PCDH10: variants seen among roughly 807,000 people sequenced by gnomAD.
The protein encoded by PCDH10 is protocadherin 10.
A neutral mutation model predicts 74.4 loss-of-function variants in PCDH10; 15 were observed. The observed-to-expected ratio is 0.20, with a 90% confidence interval of 0.13 to 0.31. The LOEUF is 0.31. Among genes scored for constraint, PCDH10 ranks in the 10% least tolerant of loss-of-function variants. The pLI is 1.00. For missense variants in PCDH10, 1,260 were observed against 1,390.2 expected (o/e 0.91, Z 1.49); for synonymous variants, 619 against 589.8 (o/e 1.05, Z -0.72).
At chr4:133,186,407 A>T (rs1727542406) in intron 4 of PCDH10, among the ~76,000 whole-genome samples, 1 of 152,150 alleles carries the variant, frequency 6.6e-6, no homozygotes, top group South Asian at 2.1e-4. Flanking sequence ...AATTCCCTAC[A>T]TGCTGATGCA....
downstream of PCDH10, among the ~76,000 whole-genome samples, chr4:133,198,541 C>T (rs1455574718): frequency 6.6e-6 from 1 of 152,152 alleles, no homozygotes; most frequent in African/African-American, 2.4e-5. Flanking sequence ...TACGTTGCTT[C>T]CATTGCCTCT....
intron 3 of PCDH10, among the ~76,000 whole-genome samples, chr4:133,159,522 T>C (rs1438371650): frequency 6.6e-6 from 1 of 151,998 alleles, no homozygotes; most frequent in Non-Finnish European, 1.5e-5. Flanking sequence ...ATAATAGACA[T>C]TGGAGACTCT....
At chr4:133,181,061 C>G (rs1727404719) in intron 4 of PCDH10, among the ~76,000 whole-genome samples, 1 of 151,540 alleles carries the variant, frequency 6.6e-6, no homozygotes, top group African/African-American at 2.4e-5. Context: ...AGTATGTACC[C>G]AGGCCTTCAT....
intron 4 of PCDH10, among the ~76,000 whole-genome samples, chr4:133,174,469 C>A (rs1157084586): frequency 1.3e-5 from 2 of 151,792 alleles, no homozygotes; most frequent in African/African-American, 2.4e-5. Context: ...TAACTACCTA[C>A]TGAGTGTCCA....
At chr4:133,152,924 C>T (rs369547380) in intron 1 of PCDH10, 153 bp downstream of exon 1, 1 of 1,457,414 alleles carries the variant, frequency 6.9e-7, no homozygotes, top group South Asian at 1.5e-5. Context: ...GTCACCTTCT[C>T]CCACTCCTTC....
intron 4 of PCDH10, among the ~76,000 whole-genome samples, chr4:133,181,272 A>G (rs1035565769): frequency 1.3e-5 from 2 of 152,094 alleles, no homozygotes; most frequent in Non-Finnish European, 2.9e-5. Flanking sequence ...AAAAATTTAT[A>G]TTCTAGATAA....
chr4:133,189,148 A>C (rs1013597341), intron 4 of PCDH10, among the ~76,000 whole-genome samples: 1 of 152,118 alleles, frequency 6.6e-6, no homozygotes, highest in African/African-American at 2.4e-5. Flanking sequence ...ACATGTTCTT[A>C]TCTTTGTTTA....
intron 4 of PCDH10, among the ~76,000 whole-genome samples, chr4:133,187,300 A>G (rs1169906604): frequency 6.6e-6 from 1 of 152,096 alleles, no homozygotes; most frequent in Non-Finnish European, 1.5e-5. Context: ...GTTAGGCATT[A>G]TATTAGATGT....
At chr4:133,186,566 G>A (rs1014398460) in intron 4 of PCDH10, among the ~76,000 whole-genome samples, 11 of 152,104 alleles carry the variant, frequency 7.2e-5, no homozygotes, top group African/African-American at 2.7e-4. Context: ...AAATGCATCA[G>A]CAAATATATA....
At chr4:133,164,940 TATATATATTC>T (rs990229592) in intron 4 of PCDH10, among the ~76,000 whole-genome samples, 2 of 148,444 alleles carry the variant, frequency 1.3e-5, no homozygotes, top group African/African-American at 4.9e-5. Flanking sequence ...GCTCATTTTA[TATATATATTC>T]ATATATATAC....
intron 2 of PCDH10, 107 bp downstream of exon 2, chr4:133,154,472 C>A: frequency 1.6e-6 from 1 of 621,940 alleles, no homozygotes; most frequent in Non-Finnish European, 2.8e-6. Context: ...AAAATATTTT[C>A]AATTAAGGCA....
rs202150629 is a variant in PCDH10, at chr4:133,152,722, C to G, written c.2582C>G (p.Thr861Ser). Residue 861 changes from threonine to serine, a missense_variant, in exon 1 of 5, where the codon ACC becomes AGC. Physicochemically the swap from Thr to Ser is moderately conservative, Grantham distance 58. This residue lies in a region of PCDH10 where 587 missense variants were observed against 616.9 expected (regional missense o/e 0.95). Transcript: ENST00000264360. ...NPCGAIVTGY[T>S]DQQPDIISNG... The stretch of plus-strand genomic sequence containing the variant: ...TGCGGGGCCATCGTCACCGGTTACA[C>G]CGACCAGCAGCCTGATATCATCTCC... 54 of 1,614,230 alleles carry G rather than the reference C, an allele frequency of 3.3e-5. No homozygotes were observed. Among genetic ancestry groups the G allele is most frequent in the Admixed American group, 1.7e-4 (10 of 60,032 alleles).
At chr4:133,199,791 T>TATC (rs1043112264) in intron 2 of PCDH10, among the ~76,000 whole-genome samples, 3 of 145,808 alleles carry the variant, frequency 2.1e-5, no homozygotes, top group Admixed American at 6.8e-5. Context: ...TTATTACTAT[T>TATC]ATTATTATTA....
rs567240816 is a variant in PCDH10, at chr4:133,203,876, A to G, written n.438-4200A>G. Among the ~76,000 whole-genome samples, 3 of 152,266 alleles carry G rather than the reference A, an allele frequency of 2.0e-5. No homozygotes were observed. In the South Asian group the frequency reaches 6.2e-4, roughly 32 times the overall value. ...AAATCTCCTCAGTGCTGGAGTCTGCATCTAGTAAGGTCATTTTGACTGTGA... is the reference window on the plus strand; with the variant it reads ...AAATCTCCTCAGTGCTGGAGTCTGCGTCTAGTAAGGTCATTTTGACTGTGA... On this transcript the variant is annotated intron_variant and non_coding_transcript_variant, in intron 2 of 2. Coordinates refer to the PCDH10 transcript ENST00000511112.
At chr4:133,172,347 A>G (rs771038684) in intron 4 of PCDH10, among the ~76,000 whole-genome samples, 11 of 152,064 alleles carry the variant, frequency 7.2e-5, no homozygotes, top group Non-Finnish European at 1.5e-4. Context: ...TAATTTTCTC[A>G]CATATACTAT....
At chr4:133,206,381 A>G (rs2125879235) in intron 2 of PCDH10, among the ~76,000 whole-genome samples, 1 of 152,282 alleles carries the variant, frequency 6.6e-6, no homozygotes, top group Non-Finnish European at 1.5e-5. Context: ...TTGATCACCT[A>G]TATGTGCACA....
chr4:133,151,637 C>G lies in PCDH10; in HGVS notation c.1497C>G (p.Ala499=), dbSNP rs1172153670. Reference sequence around the variant, plus strand: ...ATGAGGGCGCCAACGCCCAGCTTGCCTACTCTATCCTCGAGTGCCAGATCC... The same window carrying G: ...ATGAGGGCGCCAACGCCCAGCTTGCGTACTCTATCCTCGAGTGCCAGATCC... ...DRDEGANAQL[A]YSILECQIQG... is the part of the protein sequence containing the mutation. The change falls in exon 1 of 5, where the codon GCC becomes GCG. Residue 499 remains alanine (A), a synonymous_variant. Transcript: ENST00000264360. 6.2e-7 allele frequency: 1 copy of G among 1,613,664 alleles called. No individual in the cohort carries two copies. Among genetic ancestry groups the G allele is most frequent in the Non-Finnish European group, 8.5e-7 (1 of 1,180,064 alleles).
chr4:133,185,112 ACAC>A (rs1727515491), intron 4 of PCDH10, among the ~76,000 whole-genome samples: 1 of 148,412 alleles, frequency 6.7e-6, no homozygotes, highest in African/African-American at 2.4e-5. Flanking sequence ...ATATCTAAAA[ACAC>A]AGTAATCATT....
At chr4:133,176,187 T>G (rs564615182) in intron 4 of PCDH10, among the ~76,000 whole-genome samples, 1 of 152,254 alleles carries the variant, frequency 6.6e-6, no homozygotes, top group Admixed American at 6.5e-5. Context: ...TACTATGGAT[T>G]TATGAGTGAC....
Sources: gnomAD v4.1 joint callset for allele counts (sites outside exome capture counted in the v4.1 genomes callset) on GRCh38, gnomAD v4.1.1 for gene constraint, gnomAD v4.1.1 regional missense constraint, MANE v1.5 for transcripts, NCBI Gene and HGNC (gene_info 2026-07-23, HGNC 2026-07-21) for gene names.